ARHGAP10: variants seen among roughly 807,000 people sequenced by gnomAD.
ARHGAP10 encodes the protein Rho GTPase activating protein 10, also known as rho GTPase-activating protein 10.
ARHGAP10 carries 87 observed loss-of-function variants against 108.6 expected under a neutral mutation model. The observed-to-expected ratio is 0.80, with a 90% CI of 0.67 to 0.96. ARHGAP10 has a LOEUF of 0.96. Ranked by LOEUF, ARHGAP10 falls within the 40% of genes least tolerant of loss-of-function variation. The pLI, the probability that ARHGAP10 is intolerant of heterozygous loss-of-function variation, is 0.00. For missense variants in ARHGAP10, 939 were observed against 954.5 expected (o/e 0.98, Z 0.21); for synonymous variants, 347 against 341.1 (o/e 1.02, Z -0.19).
At chr4:147,978,811 A>G (rs1739701492) in intron 18 of ARHGAP10, among the ~76,000 whole-genome samples, 1 of 152,216 alleles carries the variant, frequency 6.6e-6, no homozygotes, top group Non-Finnish European at 1.5e-5. Context: ...TCTGAAGATT[A>G]ATGATGTTGA....
chr4:147,863,789 C>T (rs1020035441), intron 5 of ARHGAP10: 3 of 152,154 alleles, frequency 2.0e-5, no homozygotes, highest in African/African-American at 4.8e-5. Flanking sequence ...CTTAGTAACA[C>T]GTTATGTTTC....
chr4:147,750,540 T>C (rs1202707256), intron 1 of ARHGAP10, among the ~76,000 whole-genome samples: 1 of 152,156 alleles, frequency 6.6e-6, no homozygotes, highest in Non-Finnish European at 1.5e-5. Flanking sequence ...ATTTGTTTTG[T>C]GTGCATTAAT....
intron 15 of ARHGAP10, among the ~76,000 whole-genome samples, chr4:147,950,720 CTCA>C (rs1438537216): frequency 6.6e-6 from 1 of 151,804 alleles, no homozygotes; most frequent in Non-Finnish European, 1.5e-5. Flanking sequence ...TTTTTAACTT[CTCA>C]TGTTTTAGAG....
chr4:148,023,520 C>T, intron 19 of ARHGAP10, 107 bp downstream of exon 19: 7 of 1,231,208 alleles, frequency 5.7e-6, no homozygotes, highest in Middle Eastern at 2.8e-4. Context: ...TTAATTTCTT[C>T]TTCCCTTAAG....
At chr4:147,826,275 T>C (rs1732705073) in intron 3 of ARHGAP10, among the ~76,000 whole-genome samples, 1 of 152,096 alleles carries the variant, frequency 6.6e-6, no homozygotes, top group African/African-American at 2.4e-5. Context: ...CTGTGTGGAG[T>C]AGACAGCATG....
chr4:147,854,261 A>G (rs1235039501), intron 4 of ARHGAP10, among the ~76,000 whole-genome samples: 1 of 152,192 alleles, frequency 6.6e-6, no homozygotes, highest in Non-Finnish European at 1.5e-5. Context: ...TTGCCACCAT[A>G]AAAATCATTG....
At position 147,909,747 on chromosome 4, in the gene ARHGAP10, A is replaced by G. The variant is rs770967148; in HGVS notation, c.1132A>G (p.Asn378Asp). Reference protein sequence around the residue: ...GGKEALSHSFNTAIIPRPEGN... With the variant: ...GGKEALSHSFDTAIIPRPEGN... ...CTTTTATTAGCTGTCCCATAGTTTTAATACAGCCATCATCCCAAGACCAGA... is the reference window on the plus strand; with the variant it reads ...CTTTTATTAGCTGTCCCATAGTTTTGATACAGCCATCATCCCAAGACCAGA... Residue 378 changes from asparagine (N) to aspartate (D), a missense_variant, in exon 12 of 23, where the codon AAT becomes GAT. By Grantham distance (23) the Asn-to-Asp change is conservative (BLOSUM62 1). Coordinates refer to ENST00000336498, the MANE Select transcript of ARHGAP10 (RefSeq NM_024605.4). 18 of 1,612,088 alleles carry G rather than the reference A, an allele frequency of 1.1e-5. No individual in the cohort carries two copies. The South Asian group carries it at 2.0e-4, about 18-fold the overall frequency.
intron 19 of ARHGAP10, among the ~76,000 whole-genome samples, chr4:148,030,928 T>C (rs1354932300): frequency 2.6e-5 from 4 of 151,842 alleles, no homozygotes; most frequent in Non-Finnish European, 5.9e-5. Context: ...GCCTAGTGGC[T>C]CACTCCTATA....
chr4:147,891,959 C>A lies in ARHGAP10; in HGVS notation c.1034+10027C>A, dbSNP rs1028992911. On this transcript the variant is annotated intron_variant, in intron 10 of 22. Coordinates refer to ENST00000336498, the MANE Select transcript of ARHGAP10 (RefSeq NM_024605.4). ...CCACATGCCACTTTGTGCTGTGACC[C>A]CCCCACACATTTGCTTGATAAATAA... 3.3e-5 allele frequency among the ~76,000 whole-genome samples: 5 copies of A among 152,260 alleles called. No individual in the cohort carries two copies. In the East Asian group the frequency reaches 9.7e-4, roughly 29 times the overall value.
chr4:147,960,652 A>G (rs985170289), intron 16 of ARHGAP10, among the ~76,000 whole-genome samples: 1 of 152,212 alleles, frequency 6.6e-6, no homozygotes, highest in Admixed American at 6.5e-5. Context: ...GGGCTCAAAT[A>G]AGTATACAGC....
intron 10 of ARHGAP10, among the ~76,000 whole-genome samples, chr4:147,892,050 G>A (rs1356787611): frequency 1.3e-5 from 2 of 152,086 alleles, no homozygotes; most frequent in Non-Finnish European, 2.9e-5. Flanking sequence ...AATGCTTCCC[G>A]TTTTGCTCTC....
chr4:147,766,830 ATATATATATT>A lies in ARHGAP10; in HGVS notation c.154+34379_154+34388del, dbSNP rs1407939469. Among the ~76,000 whole-genome samples the A allele has an allele frequency of 6.8e-3, 720 of 105,576 alleles. 1 individual carries two copies. The highest frequency in any genetic ancestry group is 0.025 in the African/African-American group (553 of 22,404). 69.3% of individuals were successfully genotyped at this position (105,576 alleles called of 152,430 possible). The stretch of plus-strand genomic sequence containing the variant: ...TATATATATATATATATATATATAT[ATATATATATT>A]TATTTATTTATTTATTTATTTTATG... On this transcript the variant is annotated intron_variant, in intron 1 of 22. Coordinates refer to ENST00000336498, the MANE Select transcript of ARHGAP10 (RefSeq NM_024605.4).
chr4:147,750,453 T>C (rs763148548), intron 1 of ARHGAP10, among the ~76,000 whole-genome samples: 10 of 152,226 alleles, frequency 6.6e-5, no homozygotes, highest in Non-Finnish European at 1.3e-4. Context: ...GTGCATAATC[T>C]AATCGTAGTT....
At chr4:147,919,704 G>A (rs1308991797) in intron 13 of ARHGAP10, among the ~76,000 whole-genome samples, 1 of 152,052 alleles carries the variant, frequency 6.6e-6, no homozygotes, top group African/African-American at 2.4e-5. Context: ...TCAGCCTCCT[G>A]AGTAGCTGGG....
At chr4:147,783,238 AAC>A (rs1484324263) in intron 1 of ARHGAP10, among the ~76,000 whole-genome samples, 6 of 144,776 alleles carry the variant, frequency 4.1e-5, no homozygotes, top group East Asian at 2.1e-4. Context: ...TAATTTATAT[AAC>A]ACACATTAAA....
chr4:147,792,223 C>T (rs994351766), intron 1 of ARHGAP10, among the ~76,000 whole-genome samples: 20 of 152,204 alleles, frequency 1.3e-4, no homozygotes, highest in African/African-American at 4.8e-4. Context: ...AGTTTTTGCT[C>T]ATCTGTTGAT....
At chr4:147,752,750 T>TGATC (rs1729209865) in intron 1 of ARHGAP10, among the ~76,000 whole-genome samples, 2 of 152,086 alleles carry the variant, frequency 1.3e-5, no homozygotes, top group Admixed American at 6.5e-5. Context: ...TGGTCTCAAA[T>TGATC]TCCTGACCTC....
intron 14 of ARHGAP10, among the ~76,000 whole-genome samples, chr4:147,945,515 T>C (rs1038088586): frequency 4.6e-5 from 7 of 152,226 alleles, no homozygotes; most frequent in African/African-American, 1.7e-4. Context: ...ATTTCCCGGA[T>C]GACTATATTA....
chr4:147,966,879 T>C (rs777397962), intron 18 of ARHGAP10, 40 bp downstream of exon 18: 10 of 1,504,482 alleles, frequency 6.6e-6, no homozygotes, highest in Middle Eastern at 1.8e-4. Context: ...TGTTTTCGGC[T>C]TGTCGCCATG....
Sources: gnomAD v4.1 joint callset for allele counts (sites outside exome capture counted in the v4.1 genomes callset) on GRCh38, gnomAD v4.1.1 for gene constraint, MANE v1.5 for transcripts, NCBI Gene and HGNC (gene_info 2026-07-23, HGNC 2026-07-21) for gene names.